SDK1: variants seen among roughly 807,000 people sequenced by gnomAD.
SDK1 encodes protein sidekick-1.
A neutral mutation model predicts 245.5 loss-of-function variants in SDK1; 157 were observed. The ratio of observed to expected loss-of-function variants is 0.64; its 90% CI spans 0.56 to 0.73. SDK1 has a LOEUF of 0.73. SDK1 is among the 30% of genes least tolerant of loss of function. The probability of loss-of-function intolerance (pLI) is 0.00; values close to 1 mark genes in which losing one functional copy is unlikely to be tolerated. For synonymous variants in SDK1, 1,647 were observed against 1,278.5 expected (o/e 1.29, Z -6.15); for missense variants, 3,583 against 3,002.3 (o/e 1.19, Z -4.52).
rs1408264523 is a variant in SDK1 at position 4,044,858 on chromosome 7, A to G, written c.2603-4490A>G. ...ATTTTCACAAACATCTTTAGCCCAC[A>G]TTCACCAGCGTGACGGAGATATGAC... On this transcript the variant is annotated intron_variant, in intron 17 of 44. Transcript: ENST00000404826. Among the ~76,000 whole-genome samples the G allele has an allele frequency of 2.0e-5, 3 of 152,086 alleles. No homozygotes were observed. In the East Asian group the frequency reaches 5.8e-4, roughly 29 times the overall value.
At chr7:3,632,095 G>C (rs1202236) in intron 2 of SDK1, among the ~76,000 whole-genome samples, 37,319 of 152,052 alleles carry the variant, frequency 0.25, 5,627 homozygotes, top group East Asian at 0.46. Context: ...TGCAATAAAA[G>C]ATTTTTATCC....
chr7:3,713,158 A>G (rs530893862), intron 4 of SDK1, among the ~76,000 whole-genome samples: 1 of 152,348 alleles, frequency 6.6e-6, no homozygotes, highest in Admixed American at 6.5e-5. Flanking sequence ...CACCCCTGAG[A>G]TAAGCACTTC....
intron 1 of SDK1, among the ~76,000 whole-genome samples, chr7:3,449,641 G>C (rs1219920428): frequency 6.6e-6 from 1 of 152,154 alleles, no homozygotes; most frequent in African/African-American, 2.4e-5. Flanking sequence ...ACATTCCTAG[G>C]ATAGAATAAC....
In SDK1 at chr7:4,178,546, C is replaced by T. The variant is rs183343528; in HGVS notation, c.5058C>T (p.Ser1686=). 9.3e-6 allele frequency: 15 copies of T among 1,613,484 alleles called. No individual in the cohort carries two copies. The South Asian group carries it at 1.4e-4, about 15-fold the overall frequency. The change falls in exon 35 of 45, where the codon AGC becomes AGT. Residue 1686 remains serine (S), a synonymous_variant. Transcript: ENST00000404826. The stretch of plus-strand genomic sequence containing the variant: ...CCGCCTATAACATCATCGGCGAGAG[C>T]CCAGCCAGCGCGCCCGTGGAGGTCT... The part of the protein sequence containing the change: ...IMTAYNIIGE[S]PASAPVEVFV...
intron 44 of SDK1, among the ~76,000 whole-genome samples, chr7:4,251,861 C>G (rs1787323203): frequency 6.6e-6 from 1 of 152,174 alleles, no homozygotes; most frequent in Non-Finnish European, 1.5e-5. Context: ...ACAATATTCC[C>G]TTTATCTGGT....
At chr7:3,549,087 T>A (rs1040940328) in intron 1 of SDK1, among the ~76,000 whole-genome samples, 2 of 152,236 alleles carry the variant, frequency 1.3e-5, no homozygotes, top group African/African-American at 4.8e-5. Flanking sequence ...CTACTTGCCA[T>A]TCAATGTAAG....
chr7:3,957,976 G>T (rs1158574286), intron 7 of SDK1: 3 of 470,570 alleles, frequency 6.4e-6, no homozygotes, highest in Non-Finnish European at 1.3e-5. Context: ...GAAACCTTCA[G>T]CCGCTTCCCC....
intron 4 of SDK1, among the ~76,000 whole-genome samples, chr7:3,801,359 A>G (rs962389108): frequency 5.9e-5 from 9 of 152,200 alleles, no homozygotes; most frequent in African/African-American, 9.7e-5. Flanking sequence ...TTGCAAGGTT[A>G]TAATTAAAAG....
chr7:4,011,615 C>T (rs977168668), intron 15 of SDK1, among the ~76,000 whole-genome samples: 6 of 152,240 alleles, frequency 3.9e-5, no homozygotes, highest in East Asian at 1.9e-4. Context: ...GGGAAAATGG[C>T]TTCATCACAT....
intron 1 of SDK1, among the ~76,000 whole-genome samples, chr7:3,448,585 A>AT (rs1183360770): frequency 3.9e-5 from 6 of 151,900 alleles, no homozygotes; most frequent in African/African-American, 7.3e-5. Flanking sequence ...TTACTGTCTT[A>AT]TTTTTTATAT....
chr7:3,325,379 G>C (rs1209572239), intron 1 of SDK1, among the ~76,000 whole-genome samples: 1 of 151,964 alleles, frequency 6.6e-6, no homozygotes, highest in Non-Finnish European at 1.5e-5. Flanking sequence ...ATTGCTTACA[G>C]TTATAAATGA....
rs1779566082 is a variant in SDK1, at chr7:3,744,646, C to G, written c.714-76804C>G. On this transcript the variant is annotated intron_variant, in intron 4 of 44. Transcript: ENST00000404826. ...CTAACACGATGAAACCCCGTCTCTA[C>G]TACAAATACAAAAAAATTAGCCAGG... Among the ~76,000 whole-genome samples, 3 of 151,988 alleles carry G rather than the reference C, an allele frequency of 2.0e-5. No individual in the cohort carries two copies. The South Asian group carries it at 6.2e-4, about 32-fold the overall frequency.
chr7:3,908,797 C>T (rs1162508751), intron 5 of SDK1, among the ~76,000 whole-genome samples: 3 of 151,322 alleles, frequency 2.0e-5, no homozygotes, highest in Non-Finnish European at 2.9e-5. Flanking sequence ...GAAAAGGAAG[C>T]ATTTTTGGGG....
At chr7:4,199,404 A>G (rs1321780508) in intron 35 of SDK1, among the ~76,000 whole-genome samples, 1 of 152,208 alleles carries the variant, frequency 6.6e-6, no homozygotes, top group Non-Finnish European at 1.5e-5. Context: ...AGCTGATAAG[A>G]AGGTGGAAGC....
At chr7:3,462,158 T>G (rs1209170102) in intron 1 of SDK1, among the ~76,000 whole-genome samples, 1 of 152,112 alleles carries the variant, frequency 6.6e-6, no homozygotes, top group Non-Finnish European at 1.5e-5. Flanking sequence ...GGCTGATCAG[T>G]GACTTCAGTG....
At chr7:4,221,464 C>T (rs1785151744) in intron 40 of SDK1, 100 bp downstream of exon 40, 1 of 1,423,508 alleles carries the variant, frequency 7.0e-7, no homozygotes, top group African/African-American at 1.4e-5. Flanking sequence ...TCAGCATTTT[C>T]CCCCCACAAA....
chr7:3,486,522 T>C lies in SDK1; in HGVS notation c.299-132558T>C, dbSNP rs541434301. The stretch of plus-strand genomic sequence containing the variant: ...TACTTATTTTCAATCTCTTGTGTTT[T>C]CTGGTAAATGCATTTTATGCTATGA... On this transcript the variant is annotated intron_variant, in intron 1 of 44. Transcript: ENST00000404826. Among the ~76,000 whole-genome samples, 16 of 152,272 alleles carry C rather than the reference T, an allele frequency of 1.1e-4. No individual in the cohort carries two copies. The South Asian group carries it at 2.3e-3, about 22-fold the overall frequency.
intron 1 of SDK1, among the ~76,000 whole-genome samples, chr7:3,543,307 C>T (rs1169330814): frequency 6.6e-6 from 1 of 152,328 alleles, no homozygotes; most frequent in East Asian, 1.9e-4. Flanking sequence ...TGTTATACTC[C>T]TTGCTTAATT....
intron 5 of SDK1, among the ~76,000 whole-genome samples, chr7:3,947,303 C>T (rs770519333): frequency 2.6e-5 from 4 of 152,158 alleles, no homozygotes; most frequent in Non-Finnish European, 4.4e-5. Context: ...AGTTTCATAT[C>T]GTCCAGGTTA....
Sources: allele counts gnomAD v4.1 joint callset (sites outside exome capture counted in the v4.1 genomes callset), GRCh38; gene constraint gnomAD v4.1.1; transcripts MANE v1.5; gene names NCBI Gene and HGNC (gene_info 2026-07-23, HGNC 2026-07-21).